Variants in EPN2 observed in about 807,000 individuals in gnomAD.
EPN2 encodes epsin-2.
A neutral mutation model predicts 61.7 loss-of-function variants in EPN2; 34 were observed. The ratio of observed to expected loss-of-function variants is 0.55; its 90% CI spans 0.42 to 0.73. The LOEUF (loss-of-function observed/expected upper bound fraction) is 0.73, where lower values mean the gene tolerates loss of function less well. Among genes scored for constraint, EPN2 ranks in the 30% least tolerant of loss-of-function variants. The pLI is 0.00. For synonymous variants in EPN2, 349 were observed against 353.6 expected, an observed-to-expected ratio of 0.99 and a Z score of 0.15; for missense variants, 714 against 839.2, an observed-to-expected ratio of 0.85 and a Z score of 1.84.
Position 19,334,209 on chromosome 17 carries a change from A to C in EPN2, c.1881A>C (p.Pro627=). The C allele has an allele frequency of 2.0e-6, 3 of 1,529,726 alleles. No individual in the cohort carries two copies. The East Asian group carries it at 7.2e-5, about 37-fold the overall frequency. The allele number at this position is 1,529,726 out of a possible 1,614,324, so 94.8% of individuals were successfully genotyped here. Residue 627 remains proline, a synonymous_variant, in exon 11 of 11, where the codon CCA becomes CCC. Coordinates refer to ENST00000314728, the MANE Select transcript of EPN2 (RefSeq NM_014964.5). This position sits in a 1 kb window ranked among gnomAD's most constrained non-coding sequence, Gnocchi z 4.9. ...MNMVGSVGIP[P]SAAQATGTTN... ...TGGTGGGCAGTGTGGGTATACCCCC[A>C]TCAGCAGCCCAGGCCACTGGCACAA...
At chr17:19,265,652 C>T (rs565062854) in intron 1 of EPN2, among the ~76,000 whole-genome samples, 18 of 152,290 alleles carry the variant, frequency 1.2e-4, no homozygotes, top group Non-Finnish European at 2.5e-4. Flanking sequence ...TCTGCTCTCT[C>T]TCTCTCCCTT....
chr17:19,273,380 CAAGT>C (rs2045274516), intron 1 of EPN2: 1 of 152,120 alleles, frequency 6.6e-6, no homozygotes, highest in Non-Finnish European at 1.5e-5. Flanking sequence ...CCAGGGGAGA[CAAGT>C]AAGCACATGG....
intron 4 of EPN2, among the ~76,000 whole-genome samples, chr17:19,299,948 G>A (rs1905394899): frequency 6.6e-6 from 1 of 152,226 alleles, no homozygotes; most frequent in African/African-American, 2.4e-5. Context: ...TCTGATGGGT[G>A]TTTGAGCACC....
intron 8 of EPN2, chr17:19,329,124 G>T: frequency 2.0e-6 from 1 of 498,594 alleles, no homozygotes; most frequent in Non-Finnish European, 3.5e-6. Context: ...GCTTCCACCT[G>T]GGTGTTGAGA....
chr17:19,310,173 C>A (rs1174985651), intron 5 of EPN2, among the ~76,000 whole-genome samples, 176 bp downstream of exon 5: 2 of 152,264 alleles, frequency 1.3e-5, no homozygotes, highest in Non-Finnish European at 2.9e-5. Flanking sequence ...GTGTCCCTCC[C>A]AGTCAGGGAG....
chr17:19,298,538 A>G (rs1263398184), intron 4 of EPN2, among the ~76,000 whole-genome samples: 1 of 152,140 alleles, frequency 6.6e-6, no homozygotes, highest in African/African-American at 2.4e-5. Flanking sequence ...GTCTCGCTAT[A>G]TCACTCAGGC....
intron 1 of EPN2, among the ~76,000 whole-genome samples, chr17:19,256,628 G>A (rs975716753): frequency 4.6e-5 from 7 of 152,084 alleles, no homozygotes; most frequent in Admixed American, 1.3e-4. Context: ...GCGTCCAGTG[G>A]TTTTCGGCTG....
Position 19,302,247 on chromosome 17 carries a change from C to T in EPN2, c.767-7638C>T, listed in dbSNP as rs118163821. On this transcript the variant is annotated intron_variant, in intron 4 of 10. Coordinates refer to ENST00000314728, the MANE Select transcript of EPN2 (RefSeq NM_014964.5). ...CACAGGCAGTGGGTGATTTTCACAT[C>T]GCTTCTTGTTCGTTCCCCACAACAA... 9.0e-3 allele frequency among the ~76,000 whole-genome samples: 1,371 copies of T among 152,346 alleles called. 18 individuals are homozygous for T. Among genetic ancestry groups the T allele is most frequent in the Admixed American group, 0.029 (448 of 15,306 alleles).
At chr17:19,245,024 C>T (rs185184303) in intron 1 of EPN2, among the ~76,000 whole-genome samples, 99 of 152,290 alleles carry the variant, frequency 6.5e-4, no homozygotes, top group African/African-American at 2.2e-3. Flanking sequence ...AGCTGAGGCT[C>T]GGAAGAGGCA....
At chr17:19,265,528 G>A (rs1410553908) in intron 1 of EPN2, among the ~76,000 whole-genome samples, 3 of 152,198 alleles carry the variant, frequency 2.0e-5, no homozygotes, top group Admixed American at 1.3e-4. Flanking sequence ...TTCATTCTCT[G>A]CTTCCCTGGC....
At chr17:19,248,771 C>T (rs887287902) in intron 1 of EPN2, among the ~76,000 whole-genome samples, 1 of 152,186 alleles carries the variant, frequency 6.6e-6, no homozygotes, top group Non-Finnish European at 1.5e-5. Context: ...TTTTGGTCTG[C>T]AGATGGTGGC....
At chr17:19,271,697 A>G (rs2045255757) in intron 1 of EPN2, 1 of 152,274 alleles carries the variant, frequency 6.6e-6, no homozygotes, top group African/African-American at 2.4e-5. Context: ...CTATGGAAAG[A>G]GTTAGATGTG....
intron 1 of EPN2, among the ~76,000 whole-genome samples, chr17:19,263,040 A>G (rs1296916958): frequency 6.6e-6 from 1 of 152,244 alleles, no homozygotes; most frequent in Non-Finnish European, 1.5e-5. Context: ...AGCTGTGAAC[A>G]TGGTACATGA....
intron 1 of EPN2, among the ~76,000 whole-genome samples, chr17:19,272,182 G>A (rs929253449): frequency 6.6e-6 from 1 of 152,148 alleles, no homozygotes; most frequent in Non-Finnish European, 1.5e-5. Flanking sequence ...TGGCTTCATC[G>A]TCTCCCATCA....
intron 4 of EPN2, among the ~76,000 whole-genome samples, chr17:19,287,180 G>C (rs1302183120): frequency 6.6e-6 from 1 of 151,998 alleles, no homozygotes; most frequent in East Asian, 1.9e-4. Flanking sequence ...CTTTGGCCCT[G>C]CCTCTGCACC....
At chr17:19,305,877 C>G (rs1905815692) in intron 4 of EPN2, 1 of 152,210 alleles carries the variant, frequency 6.6e-6, no homozygotes, top group Non-Finnish European at 1.5e-5. Context: ...TACTCAGCCT[C>G]TCCCCCTTAG....
chr17:19,290,759 T>A (rs2152221083), intron 4 of EPN2, among the ~76,000 whole-genome samples: 1 of 150,166 alleles, frequency 6.7e-6, no homozygotes, highest in East Asian at 1.9e-4. Flanking sequence ...GAAATCTTCA[T>A]TGCTTTCTGA....
At chr17:19,306,666 A>C (rs146170813) in intron 4 of EPN2, among the ~76,000 whole-genome samples, 53 of 152,338 alleles carry the variant, frequency 3.5e-4, no homozygotes, top group Middle Eastern at 3.4e-3. Flanking sequence ...CTTCTCCAGC[A>C]GGTCCAGTTC....
Position 19,309,873 on chromosome 17 carries a change from C to A in EPN2, c.767-12C>A, listed in dbSNP as rs765930708. On this transcript the variant is annotated splice_polypyrimidine_tract_variant and intron_variant, in intron 4 of 10. Coordinates refer to ENST00000314728, the MANE Select transcript of EPN2 (RefSeq NM_014964.5). The stretch of plus-strand genomic sequence containing the variant: ...TGTCTTTTGCATATGATGACTTGGT[C>A]TTCCCCAACAGCCACCTCCCCGCGA... 2 of 1,602,384 alleles carry A rather than the reference C, an allele frequency of 1.2e-6. No homozygotes were observed. The highest frequency in any genetic ancestry group is 1.7e-5 in the Admixed American group (1 of 60,002).
Sources: gnomAD v4.1 joint callset for allele counts (sites outside exome capture counted in the v4.1 genomes callset) on GRCh38, gnomAD v4.1.1 for gene constraint, Gnocchi (gnomAD v3.1) non-coding constraint, MANE v1.5 for transcripts, NCBI Gene and HGNC (gene_info 2026-07-23, HGNC 2026-07-21) for gene names.